Variants in COMMD10 observed in about 807,000 individuals in gnomAD.
COMMD10 encodes COMM domain-containing protein 10.
A neutral mutation model predicts 28.9 loss-of-function variants in COMMD10; 33 were observed. The observed-to-expected ratio is 1.14, with a 90% confidence interval of 0.87 to 1.53. The LOEUF (loss-of-function observed/expected upper bound fraction) is 1.53, where lower values mean the gene tolerates loss of function less well. COMMD10 is among the 40% of genes most tolerant of loss of function. The pLI, the probability that COMMD10 is intolerant of heterozygous loss-of-function variation, is 0.00. For missense variants in COMMD10, 310 were observed against 233.4 expected (o/e 1.33, Z -2.14); for synonymous variants, 110 against 81.7 (o/e 1.35, Z -1.87).
intron 4 of COMMD10, among the ~76,000 whole-genome samples, chr5:116,094,578 ATATT>A (rs1750408420): frequency 6.6e-6 from 1 of 152,218 alleles, no homozygotes; most frequent in Non-Finnish European, 1.5e-5. Flanking sequence ...GTGGCAATGT[ATATT>A]AGTACAGCCA....
chr5:116,117,492 C>T (rs527619836), intron 4 of COMMD10, among the ~76,000 whole-genome samples: 18 of 152,130 alleles, frequency 1.2e-4, no homozygotes, highest in Middle Eastern at 3.2e-3. Flanking sequence ...GGTAGGGTCT[C>T]GCTCTGTGGC....
chr5:116,162,427 T>G (rs1424658455), intron 5 of COMMD10, among the ~76,000 whole-genome samples: 2 of 152,188 alleles, frequency 1.3e-5, no homozygotes, highest in Non-Finnish European at 2.9e-5. Flanking sequence ...TTTGTGAGTG[T>G]GGGTATTTTG....
At chr5:116,288,879 T>C (rs1213291266) in intron 5 of COMMD10, among the ~76,000 whole-genome samples, 2 of 137,692 alleles carry the variant, frequency 1.5e-5, no homozygotes, top group African/African-American at 2.7e-5. Context: ...TCTCTTTTTT[T>C]TTTTTTTTTT....
intron 5 of COMMD10, among the ~76,000 whole-genome samples, chr5:116,178,482 C>T (rs1332358878): frequency 1.3e-5 from 2 of 151,938 alleles, no homozygotes; most frequent in Admixed American, 6.6e-5. Context: ...ACAATAAAAT[C>T]CCTGAAGGCA....
chr5:116,245,334 G>T (rs1453022352), intron 5 of COMMD10, among the ~76,000 whole-genome samples: 1 of 152,018 alleles, frequency 6.6e-6, no homozygotes, highest in Non-Finnish European at 1.5e-5. Context: ...ATCAAGCTTG[G>T]AAATTGAGAC....
intron 4 of COMMD10, among the ~76,000 whole-genome samples, chr5:116,111,736 GTATT>G (rs777342679): frequency 2.0e-5 from 3 of 152,128 alleles, no homozygotes; most frequent in African/African-American, 4.8e-5. Flanking sequence ...GATGAGAAGA[GTATT>G]TATTCTGCAG....
chr5:116,291,415 CAG>C, intron 5 of COMMD10, 100 bp from the exon 6 acceptor site: 3 of 807,292 alleles, frequency 3.7e-6, no homozygotes, highest in Non-Finnish European at 4.1e-6. Flanking sequence ...TAAAACCACT[CAG>C]AGGACAATCT....
intron 5 of COMMD10, among the ~76,000 whole-genome samples, chr5:116,156,078 C>T (rs1752697179): frequency 6.6e-6 from 1 of 151,940 alleles, no homozygotes; most frequent in African/African-American, 2.4e-5. Context: ...TAGCTGTGTG[C>T]CCTGAGACCA....
chr5:116,118,294 T>G (rs1015528246), intron 4 of COMMD10, among the ~76,000 whole-genome samples: 5 of 152,224 alleles, frequency 3.3e-5, no homozygotes, highest in Non-Finnish European at 7.3e-5. Flanking sequence ...TTTTACTTAT[T>G]TACTTTTTTG....
intron 4 of COMMD10, among the ~76,000 whole-genome samples, chr5:116,100,812 A>G (rs1750636105): frequency 6.6e-6 from 1 of 152,148 alleles, no homozygotes; most frequent in African/African-American, 2.4e-5. Context: ...ATGGTGTACA[A>G]CTGAAATTTT....
chr5:116,182,347 A>G (rs1747996685), intron 5 of COMMD10, among the ~76,000 whole-genome samples: 1 of 151,794 alleles, frequency 6.6e-6, no homozygotes. Flanking sequence ...TAAGAACAAT[A>G]GGTTTCCGAT....
At chr5:116,238,134 C>G (rs909076107) in intron 5 of COMMD10, among the ~76,000 whole-genome samples, 3 of 152,080 alleles carry the variant, frequency 2.0e-5, no homozygotes, top group African/African-American at 7.2e-5. Flanking sequence ...CTGTTTAGAC[C>G]AATATGAAAG....
chr5:116,220,767 A>T (rs190150336), intron 5 of COMMD10, among the ~76,000 whole-genome samples: 6 of 152,228 alleles, frequency 3.9e-5, no homozygotes, highest in Non-Finnish European at 8.8e-5. Context: ...ATAACAGCTT[A>T]TACCTATTAC....
intron 4 of COMMD10, among the ~76,000 whole-genome samples, chr5:116,126,098 G>C (rs1297293748): frequency 6.6e-6 from 1 of 152,042 alleles, no homozygotes; most frequent in Non-Finnish European, 1.5e-5. Context: ...TACAAAATCA[G>C]TGTGCAAAAA....
At position 116,087,506 on chromosome 5, in the gene COMMD10, A is replaced by G; in HGVS notation, c.51A>G (p.Lys17=). 6.2e-7 allele frequency: 1 copy of G among 1,606,040 alleles called. No individual in the cohort carries two copies. The highest frequency in any genetic ancestry group is 8.5e-7 in the Non-Finnish European group (1 of 1,172,540). ...TTATAATTTTGTTTAGCATGAAGAA[A>G]GCAGTGTCACTGATAAATGCAATAG... ...LILRESPSMK[K]AVSLINAIDT... is the part of the protein sequence containing the mutation. The change falls in exon 2 of 7, where the codon AAA becomes AAG. Residue 17 remains lysine, a synonymous_variant. Transcript: ENST00000274458.
chr5:116,288,723 C>T (rs1751284843), intron 5 of COMMD10, among the ~76,000 whole-genome samples: 1 of 151,500 alleles, frequency 6.6e-6, no homozygotes, highest in African/African-American at 2.4e-5. Flanking sequence ...TGTTGAATAC[C>T]TCTAATAAGT....
chr5:116,284,903 A>G (rs1297719387), intron 5 of COMMD10, among the ~76,000 whole-genome samples: 2 of 151,944 alleles, frequency 1.3e-5, no homozygotes, highest in Non-Finnish European at 2.9e-5. Context: ...AATGCATTTC[A>G]TATATCTTTG....
intron 5 of COMMD10, among the ~76,000 whole-genome samples, chr5:116,258,587 C>T (rs1181293638): frequency 6.6e-6 from 1 of 151,512 alleles, no homozygotes; most frequent in African/African-American, 2.4e-5. Flanking sequence ...ACATAGAGTC[C>T]TATGTTTAAG....
chr5:116,184,367 G>A (rs1244502634), intron 5 of COMMD10, among the ~76,000 whole-genome samples: 1 of 148,696 alleles, frequency 6.7e-6, no homozygotes, highest in African/African-American at 2.5e-5. Flanking sequence ...TCTACAATAA[G>A]TTGAATTGAT....
Sources: allele counts gnomAD v4.1 joint callset (sites outside exome capture counted in the v4.1 genomes callset), GRCh38; gene constraint gnomAD v4.1.1; transcripts MANE v1.5; gene names NCBI Gene and HGNC (gene_info 2026-07-23, HGNC 2026-07-21).